Variants in RFX6 observed in about 807,000 individuals in gnomAD.
RFX6 encodes regulatory factor X6, also known as DNA-binding protein RFX6.
In RFX6, 50 loss-of-function variants were observed where a neutral mutation model predicts 110.8. That is an observed-to-expected ratio of 0.45 (90% CI 0.36 to 0.57). The LOEUF is 0.57. Ranked by LOEUF, RFX6 falls within the 20% of genes least tolerant of loss-of-function variation. RFX6 has a pLI of 0.00. For synonymous variants in RFX6, 383 were observed against 411.2 expected (o/e 0.93, Z 0.83); for missense variants, 990 against 1,127.0 (o/e 0.88, Z 1.74).
intron 6 of RFX6, among the ~76,000 whole-genome samples, chr6:116,908,935 T>A (rs1028761950): frequency 6.6e-6 from 1 of 152,240 alleles, no homozygotes; most frequent in East Asian, 1.9e-4. Context: ...TGAAATATAA[T>A]TTTTCTTTTT....
At position 116,919,420 on chromosome 6, in the gene RFX6, G is replaced by A. The variant is rs572712989; in HGVS notation, c.1182+124G>A. On this transcript the variant is annotated intron_variant, in intron 11 of 18. Transcript: ENST00000332958. ...TAAGTAGACAACAACTAAATGCAACGTGAGACCCAGAAGTGAATGCTATGA... is the reference window on the plus strand; with the variant it reads ...TAAGTAGACAACAACTAAATGCAACATGAGACCCAGAAGTGAATGCTATGA... 735 of 862,564 alleles carry A rather than the reference G, an allele frequency of 8.5e-4. 1 individual carries two copies. The highest frequency in any genetic ancestry group is 8.5e-4 in the Non-Finnish European group (432 of 506,272). The allele number at this position is 862,564 out of a possible 1,614,324, so 53.4% of individuals were successfully genotyped here. A position where few individuals can be genotyped will look rare whatever the true frequency, so the allele number is the denominator to read the frequency against.
intron 4 of RFX6, 54 bp from the exon 5 acceptor site, chr6:116,893,933 C>T: frequency 1.0e-6 from 1 of 1,000,720 alleles, no homozygotes; most frequent in Non-Finnish European, 1.6e-6. Context: ...GTCTCTTTTT[C>T]CCCTCCAAAA....
intron 2 of RFX6, among the ~76,000 whole-genome samples, chr6:116,879,701 A>T (rs1774546538): frequency 6.6e-6 from 1 of 151,934 alleles, no homozygotes; most frequent in Non-Finnish European, 1.5e-5. Context: ...AATTTTAGTC[A>T]AAATCACCTA....
chr6:116,922,430 G>C (rs1775622202), intron 13 of RFX6, among the ~76,000 whole-genome samples: 1 of 152,130 alleles, frequency 6.6e-6, no homozygotes, highest in African/African-American at 2.4e-5. Flanking sequence ...TTACAGCTGA[G>C]TAACATCAGT....
At chr6:116,883,670 A>G (rs866990449) in intron 4 of RFX6, among the ~76,000 whole-genome samples, 15 of 152,150 alleles carry the variant, frequency 9.9e-5, no homozygotes, top group African/African-American at 3.6e-4. Context: ...AGTTTAGACT[A>G]GCCACATTTC....
intron 6 of RFX6, among the ~76,000 whole-genome samples, chr6:116,906,086 G>C (rs188706216): frequency 4.6e-5 from 7 of 152,240 alleles, no homozygotes; most frequent in Admixed American, 4.6e-4. Context: ...CCAGTTTTCT[G>C]AGCACACTTT....
chr6:116,898,072 A>T (rs902917093), intron 6 of RFX6, among the ~76,000 whole-genome samples: 2 of 152,168 alleles, frequency 1.3e-5, no homozygotes, highest in Admixed American at 6.5e-5. Context: ...GAGAAGGAGG[A>T]GAATACAGTG....
chr6:116,928,432 A>C (rs1562149664), intron 17 of RFX6, among the ~76,000 whole-genome samples: 1 of 152,178 alleles, frequency 6.6e-6, no homozygotes, highest in Non-Finnish European at 1.5e-5. Context: ...AGATCTTGTT[A>C]ATTTAGATAA....
intron 6 of RFX6, among the ~76,000 whole-genome samples, chr6:116,907,419 T>C (rs1268639869): frequency 6.6e-6 from 1 of 152,082 alleles, no homozygotes; most frequent in African/African-American, 2.4e-5. Context: ...CTTGGAAAAC[T>C]TTGAGATGTA....
intron 4 of RFX6, among the ~76,000 whole-genome samples, chr6:116,885,288 A>G (rs887952560): frequency 6.6e-6 from 1 of 152,194 alleles, no homozygotes; most frequent in Non-Finnish European, 1.5e-5. Context: ...GATTGTTGTG[A>G]GAGTTAAATG....
intron 6 of RFX6, among the ~76,000 whole-genome samples, chr6:116,905,458 A>T (rs1775177957): frequency 6.6e-6 from 1 of 151,918 alleles, no homozygotes; most frequent in Admixed American, 6.6e-5. Flanking sequence ...ATGAAACATG[A>T]TTTGCAAATA....
intron 4 of RFX6, among the ~76,000 whole-genome samples, chr6:116,887,103 C>CA (rs575664443): frequency 4.0e-5 from 6 of 151,702 alleles, no homozygotes; most frequent in Admixed American, 1.3e-4. Flanking sequence ...AATAATAAAA[C>CA]AAAAAAATCT....
chr6:116,924,789 C>A lies in RFX6; in HGVS notation c.1676C>A (p.Ser559Ter). 6.3e-7 allele frequency: 1 copy of A among 1,577,850 alleles called. No individual in the cohort carries two copies. The highest frequency in any genetic ancestry group is 8.7e-7 in the Non-Finnish European group (1 of 1,147,220). The change falls in exon 15 of 19, where the codon TCA becomes TAA. Residue 559 changes from serine to a stop codon, truncating the protein, a stop_gained and splice_region_variant. Transcript: ENST00000332958. LOFTEE classifies it high-confidence loss of function. ...TTATTGGACAAGTATATGAAGAATT[C>A]AGGTAACTTAAAATAACTGTTTTGT... The part of the protein sequence containing the change: ...QNLLDKYMKN[S>*]DASKAAFTAS...
Position 116,877,496 on chromosome 6 carries a change from C to A in RFX6, c.221C>A (p.Ser74Ter). 6.4e-7 allele frequency: 1 copy of A among 1,553,924 alleles called. No homozygotes were observed. Among genetic ancestry groups the A allele is most frequent in the South Asian group, 1.2e-5 (1 of 84,134 alleles). Residue 74 changes from serine (S) to a stop codon, truncating the protein, a stop_gained and splice_region_variant, in exon 1 of 19, where the codon TCA becomes TAA. Transcript: ENST00000332958. LOFTEE classifies it high-confidence loss of function. ...EDPELPGAVK[S>*]EMHLNNGNFS... is the part of the protein sequence containing the mutation. The stretch of plus-strand genomic sequence containing the variant: ...CCGGAGCTGCCGGGGGCAGTGAAAT[C>A]AGGTGAGTGCTCTGCCGCATCCGGA...
At chr6:116,901,261 T>C (rs1172242662) in intron 6 of RFX6, among the ~76,000 whole-genome samples, 1 of 152,210 alleles carries the variant, frequency 6.6e-6, no homozygotes, top group East Asian at 1.9e-4. Flanking sequence ...AACCCCATTG[T>C]AAATTGAGAG....
intron 9 of RFX6, among the ~76,000 whole-genome samples, chr6:116,916,555 T>G (rs1775470697): frequency 6.6e-6 from 1 of 152,120 alleles, no homozygotes; most frequent in Non-Finnish European, 1.5e-5. Flanking sequence ...TGAGTCTATA[T>G]GTGACACACT....
chr6:116,895,678 G>A (rs372919405), intron 6 of RFX6, among the ~76,000 whole-genome samples: 10 of 123,938 alleles, frequency 8.1e-5, no homozygotes, highest in African/African-American at 2.4e-4. Flanking sequence ...ACACACACAC[G>A]TATACAATCT....
Position 116,891,291 on chromosome 6 carries a change from GT to G in RFX6, c.567-2695del, listed in dbSNP as rs749900117. 5.3e-5 allele frequency among the ~76,000 whole-genome samples: 8 copies of G among 152,142 alleles called. No homozygotes were observed. In the East Asian group the frequency reaches 1.5e-3, roughly 29 times the overall value. On this transcript the variant is annotated intron_variant, in intron 4 of 18. Coordinates refer to ENST00000332958, the MANE Select transcript of RFX6 (RefSeq NM_173560.4). ...AATGGCCATCCCTTTGACTTGTCTTGTGATTTTTGTGTACCACCTGTGAAGA... is the reference window on the plus strand; with the variant it reads ...AATGGCCATCCCTTTGACTTGTCTTGGATTTTTGTGTACCACCTGTGAAGA...
chr6:116,910,163 A>G (rs1775320474), intron 6 of RFX6, among the ~76,000 whole-genome samples: 1 of 152,072 alleles, frequency 6.6e-6, no homozygotes, highest in Admixed American at 6.6e-5. Flanking sequence ...TTTGATTACA[A>G]TCTGGTTTGT....
Sources: gnomAD v4.1 joint callset for allele counts (sites outside exome capture counted in the v4.1 genomes callset) on GRCh38, gnomAD v4.1.1 for gene constraint, MANE v1.5 for transcripts, NCBI Gene and HGNC (gene_info 2026-07-23, HGNC 2026-07-21) for gene names.